Variants in CTNND2 observed in about 807,000 individuals in gnomAD.
CTNND2 encodes the protein catenin delta 2, also known as catenin delta-2.
In CTNND2, 22 loss-of-function variants were observed where a neutral mutation model predicts 144.4. The observed-to-expected ratio is 0.15, with a 90% confidence interval of 0.11 to 0.22. The LOEUF (loss-of-function observed/expected upper bound fraction) is 0.22. CTNND2 is among the 10% of genes least tolerant of loss of function. CTNND2 has a pLI of 1.00. For synonymous variants in CTNND2, 751 were observed against 695.6 expected, an observed-to-expected ratio of 1.08 and a Z score of -1.25; for missense variants, 1,353 against 1,618.8, an observed-to-expected ratio of 0.84 and a Z score of 2.82.
intron 2 of CTNND2, among the ~76,000 whole-genome samples, chr5:11,711,597 T>C (rs992224442): frequency 5.8e-4 from 89 of 152,262 alleles, no homozygotes; most frequent in Non-Finnish European, 5.7e-4. Context: ...TCTTTAGCTA[T>C]ATTAACTTTG....
intron 18 of CTNND2, among the ~76,000 whole-genome samples, chr5:11,005,273 C>A (rs1342833023): frequency 6.6e-6 from 1 of 152,184 alleles, no homozygotes; most frequent in Non-Finnish European, 1.5e-5. Context: ...GTGGCTGAGG[C>A]AAAGCGATCG....
At chr5:11,103,473 C>G (rs755111345) in intron 14 of CTNND2, among the ~76,000 whole-genome samples, 10 of 151,916 alleles carry the variant, frequency 6.6e-5, no homozygotes, top group East Asian at 5.9e-4. Context: ...GAGTTTGAGA[C>G]CAGCCTGGCC....
At chr5:11,126,511 C>T (rs1393530507) in intron 12 of CTNND2, among the ~76,000 whole-genome samples, 2 of 152,086 alleles carry the variant, frequency 1.3e-5, no homozygotes, top group African/African-American at 4.8e-5. Flanking sequence ...TGACTGGGTG[C>T]CTGCTTTCTT....
At chr5:11,576,783 T>C (rs1424486440) in intron 2 of CTNND2, among the ~76,000 whole-genome samples, 2 of 152,210 alleles carry the variant, frequency 1.3e-5, no homozygotes, top group Non-Finnish European at 2.9e-5. Context: ...CTTCCTAACC[T>C]AAAACGTTCT....
At chr5:11,828,811 G>A (rs532695536) in intron 1 of CTNND2, among the ~76,000 whole-genome samples, 37 of 152,306 alleles carry the variant, frequency 2.4e-4, no homozygotes, top group African/African-American at 8.9e-4. Context: ...CTGGGAAACA[G>A]GTAGAGGTTG....
intron 3 of CTNND2, among the ~76,000 whole-genome samples, chr5:11,462,231 G>A (rs961337906): frequency 6.6e-6 from 1 of 152,148 alleles, no homozygotes; most frequent in Non-Finnish European, 1.5e-5. Flanking sequence ...GGATCAGAAA[G>A]GTCATAGTTC....
intron 9 of CTNND2, among the ~76,000 whole-genome samples, chr5:11,261,204 T>C (rs985734257): frequency 1.3e-5 from 2 of 152,100 alleles, no homozygotes; most frequent in Admixed American, 1.3e-4. Context: ...CAGAGGCAAA[T>C]GACACAGGTA....
chr5:11,543,481 G>A lies in CTNND2; in HGVS notation c.287+21463C>T, dbSNP rs569396673. ...TGATGGTTTCTTGTTGTCTTGTTTA[G>A]TTTTATTGCATTTTACACACTCATT... On this transcript the variant is annotated intron_variant, in intron 3 of 21. Coordinates refer to ENST00000304623, the MANE Select transcript of CTNND2 (RefSeq NM_001332.4). Among the ~76,000 whole-genome samples the A allele has an allele frequency of 7.9e-5, 12 of 152,134 alleles. No homozygotes were observed. In the South Asian group the frequency reaches 2.3e-3, roughly 29 times the overall value.
chr5:11,183,445 A>C (rs1471912293), intron 11 of CTNND2, among the ~76,000 whole-genome samples: 1 of 152,174 alleles, frequency 6.6e-6, no homozygotes, highest in Non-Finnish European at 1.5e-5. Context: ...AAAATGCCCC[A>C]AGGTCAAAAG....
intron 5 of CTNND2, among the ~76,000 whole-genome samples, chr5:11,409,814 C>T (rs1477728234): frequency 6.6e-6 from 1 of 152,026 alleles, no homozygotes; most frequent in East Asian, 1.9e-4. Context: ...TAACTCATAA[C>T]TACTTTCTTT....
chr5:11,393,371 T>C (rs1020821707), intron 6 of CTNND2, among the ~76,000 whole-genome samples: 26 of 152,222 alleles, frequency 1.7e-4, no homozygotes, highest in Non-Finnish European at 3.1e-4. Context: ...ATCTTTAGGC[T>C]TGTGTACTCC....
At position 11,044,274 on chromosome 5, in the gene CTNND2, AC is replaced by A. The variant is rs1320474260; in HGVS notation, c.2789-21296del. Among the ~76,000 whole-genome samples the A allele has an allele frequency of 2.6e-5, 4 of 152,186 alleles. 1 individual carries two copies. The East Asian group carries it at 7.7e-4, about 29-fold the overall frequency. On this transcript the variant is annotated intron_variant, in intron 16 of 21. Transcript: ENST00000304623. Reference sequence around the variant, plus strand: ...AAGCCCGTTTGGCATGATCTGACAGACGACAGGGAGGTGAGTGATCATCTGC... The same window carrying A: ...AAGCCCGTTTGGCATGATCTGACAGAGACAGGGAGGTGAGTGATCATCTGC...
At chr5:11,760,929 T>C (rs1789225853) in intron 1 of CTNND2, among the ~76,000 whole-genome samples, 1 of 152,180 alleles carries the variant, frequency 6.6e-6, no homozygotes, top group Non-Finnish European at 1.5e-5. Flanking sequence ...AGTGAATTGA[T>C]CACGTTTAAC....
At chr5:11,070,150 T>C (rs1748096774) in intron 16 of CTNND2, among the ~76,000 whole-genome samples, 1 of 152,088 alleles carries the variant, frequency 6.6e-6, no homozygotes, top group South Asian at 2.1e-4. Flanking sequence ...TCCACAATAA[T>C]ATAGATGTTA....
chr5:11,891,450 T>C (rs981677318), intron 1 of CTNND2, among the ~76,000 whole-genome samples: 3 of 152,138 alleles, frequency 2.0e-5, no homozygotes, highest in African/African-American at 4.8e-5. Flanking sequence ...AGATTGAATG[T>C]TTGCGTCTTC....
intron 9 of CTNND2, among the ~76,000 whole-genome samples, chr5:11,265,283 G>C (rs1745321922): frequency 6.6e-6 from 1 of 152,174 alleles, no homozygotes; most frequent in Non-Finnish European, 1.5e-5. Flanking sequence ...GTACATGAGA[G>C]AACAGAGGAA....
At chr5:11,609,535 A>G (rs963314435) in intron 2 of CTNND2, among the ~76,000 whole-genome samples, 1 of 152,170 alleles carries the variant, frequency 6.6e-6, no homozygotes, top group African/African-American at 2.4e-5. Context: ...GGAGAGAATG[A>G]TATTTCTTGA....
chr5:11,856,889 G>A (rs1795277950), intron 1 of CTNND2, among the ~76,000 whole-genome samples: 1 of 151,974 alleles, frequency 6.6e-6, no homozygotes, highest in Admixed American at 6.6e-5. Flanking sequence ...AAGCAATATG[G>A]GTGGTTTTGG....
intron 3 of CTNND2, among the ~76,000 whole-genome samples, chr5:11,536,082 G>C (rs1197005611): frequency 6.6e-6 from 1 of 152,098 alleles, no homozygotes; most frequent in East Asian, 1.9e-4. Flanking sequence ...TGATTTTTTA[G>C]TGACAAATTC....
Sources: allele counts gnomAD v4.1 joint callset (sites outside exome capture counted in the v4.1 genomes callset), GRCh38; gene constraint gnomAD v4.1.1; transcripts MANE v1.5; gene names NCBI Gene and HGNC (gene_info 2026-07-23, HGNC 2026-07-21).